Variants in GREB1 observed in about 807,000 individuals in gnomAD.
The protein encoded by GREB1 is protein GREB1.
Under a neutral mutation model 200.7 loss-of-function variants are expected in GREB1, and 106 were observed. That is an observed-to-expected ratio of 0.53 (90% CI 0.45 to 0.62). The LOEUF is 0.62. Ranked by LOEUF, GREB1 falls within the 20% of genes least tolerant of loss-of-function variation. The pLI, the probability that GREB1 is intolerant of heterozygous loss-of-function variation, is 0.00. For synonymous variants in GREB1, 1,132 were observed against 1,092.4 expected, an observed-to-expected ratio of 1.04 and a Z score of -0.72; for missense variants, 2,243 against 2,556.8, an observed-to-expected ratio of 0.88 and a Z score of 2.65.
At chr2:11,486,135 T>G (rs1201790544) in intron 1 of GREB1, among the ~76,000 whole-genome samples, 1 of 152,164 alleles carries the variant, frequency 6.6e-6, no homozygotes, top group Admixed American at 6.5e-5. Context: ...GGGCTGACTT[T>G]GGGCAGTTCA....
intron 1 of GREB1, among the ~76,000 whole-genome samples, chr2:11,547,297 C>A (rs891728199): frequency 6.6e-6 from 1 of 152,174 alleles, no homozygotes; most frequent in African/African-American, 2.4e-5. Context: ...CTTTGGAGAT[C>A]GGCTTTTAAT....
At chr2:11,552,920 G>A (rs1676049561) in intron 1 of GREB1, among the ~76,000 whole-genome samples, 1 of 150,584 alleles carries the variant, frequency 6.6e-6, no homozygotes, top group Non-Finnish European at 1.5e-5. Context: ...TGAGGCAGGA[G>A]AATGGCGTGA....
At chr2:11,566,895 A>G (rs1677725501) in intron 4 of GREB1, among the ~76,000 whole-genome samples, 1 of 152,170 alleles carries the variant, frequency 6.6e-6, no homozygotes, top group African/African-American at 2.4e-5. Context: ...TTCATTTTTC[A>G]TACATTTATT....
chr2:11,600,433 A>C (rs1025751063), intron 15 of GREB1, among the ~76,000 whole-genome samples: 18 of 152,320 alleles, frequency 1.2e-4, no homozygotes, highest in Middle Eastern at 3.4e-3. Flanking sequence ...CAAGGTCAGA[A>C]GGACTGTGTA....
At chr2:11,560,025 T>C (rs1359008894) in intron 2 of GREB1, among the ~76,000 whole-genome samples, 1 of 152,220 alleles carries the variant, frequency 6.6e-6, no homozygotes, top group Non-Finnish European at 1.5e-5. Context: ...GTCGCCATTG[T>C]GAGGCCATGT....
At chr2:11,552,352 C>A (rs1402466183) in intron 1 of GREB1, among the ~76,000 whole-genome samples, 7 of 152,180 alleles carry the variant, frequency 4.6e-5, no homozygotes, top group Admixed American at 4.6e-4. Context: ...AGGGATCTAG[C>A]AAAGAGACCA....
At chr2:11,557,243 A>G (rs761140238) in intron 2 of GREB1, among the ~76,000 whole-genome samples, 8 of 152,266 alleles carry the variant, frequency 5.3e-5, no homozygotes, top group Non-Finnish European at 1.2e-4. Context: ...ATAAACAACT[A>G]AATTCTCTTC....
chr2:11,525,496 CAAAAA>C (rs764748651), intron 1 of GREB1, among the ~76,000 whole-genome samples: 3 of 50,094 alleles, frequency 6.0e-5, no homozygotes, highest in African/African-American at 1.9e-4. Context: ...GACTCCATCT[CAAAAA>C]AAAAAAAAAA....
chr2:11,560,018 G>A (rs976741255), intron 2 of GREB1, among the ~76,000 whole-genome samples: 3 of 152,220 alleles, frequency 2.0e-5, no homozygotes, highest in African/African-American at 4.8e-5. Flanking sequence ...TGAAATGGTC[G>A]CCATTGTGAG....
In GREB1 at chr2:11,566,579, G is replaced by T; in HGVS notation, c.377G>T (p.Ser126Ile). The T allele has an allele frequency of 1.2e-6, 2 of 1,614,124 alleles. No individual in the cohort carries two copies. Among genetic ancestry groups the T allele is most frequent in the Non-Finnish European group, 1.7e-6 (2 of 1,179,994 alleles). Residue 126 changes from serine to isoleucine, a missense_variant, in exon 4 of 33, where the codon AGC (serine) becomes ATC (isoleucine). Coordinates refer to ENST00000381486, the MANE Select transcript of GREB1 (RefSeq NM_014668.4). ...CTCCTCGTGGGGGTCAAGTCCCCCAGCCTGCCGGACCATCTCCTGGTGTGC... is the reference window on the plus strand; with the variant it reads ...CTCCTCGTGGGGGTCAAGTCCCCCATCCTGCCGGACCATCTCCTGGTGTGC... ...GFLLVGVKSPSLPDHLLVCAV... is the reference protein window; with the variant it reads ...GFLLVGVKSPILPDHLLVCAV...
At chr2:11,487,617 C>A (rs186735747) in intron 1 of GREB1, among the ~76,000 whole-genome samples, 1 of 152,282 alleles carries the variant, frequency 6.6e-6, no homozygotes, top group Admixed American at 6.5e-5. Context: ...ATTCCGATAA[C>A]TTCTTTTTGA....
In GREB1 at chr2:11,494,359, A is replaced by G. The variant is rs575910338; in HGVS notation, c.-159+11978A>G. 4.6e-5 allele frequency among the ~76,000 whole-genome samples: 7 copies of G among 152,342 alleles called. No individual in the cohort carries two copies. The South Asian group carries it at 6.2e-4, about 14-fold the overall frequency. On this transcript the variant is annotated intron_variant, in intron 1 of 2. Coordinates refer to the GREB1 transcript ENST00000628795. ...TGGGCTGTGGCAGCATCACCTGGGA[A>G]ATCAATAGAAATGTTCATTCTTGGG...
intron 23 of GREB1, among the ~76,000 whole-genome samples, chr2:11,624,448 C>T (rs1365578748): frequency 6.7e-6 from 1 of 149,228 alleles, no homozygotes; most frequent in African/African-American, 2.5e-5. Context: ...GGGTTCAAGT[C>T]ATTCTCCTGC....
intron 30 of GREB1, among the ~76,000 whole-genome samples, chr2:11,637,291 T>C (rs79491768): frequency 0.059 from 8,931 of 151,230 alleles, 446 homozygotes; most frequent in East Asian, 0.21. Flanking sequence ...GATGTAAACG[T>C]GTTGGTGATG....
intron 18 of GREB1, 109 bp downstream of exon 18, chr2:11,611,136 C>T: frequency 1.1e-6 from 1 of 895,658 alleles, no homozygotes; most frequent in Non-Finnish European, 1.7e-6. Context: ...GCCAACGTGG[C>T]TTCCCTAGAC....
At chr2:11,495,376 A>G (rs1672858039) in intron 1 of GREB1, among the ~76,000 whole-genome samples, 1 of 152,210 alleles carries the variant, frequency 6.6e-6, no homozygotes, top group South Asian at 2.1e-4. Flanking sequence ...CCATTTTTGT[A>G]GGTGAAAATT....
intron 31 of GREB1, among the ~76,000 whole-genome samples, chr2:11,638,437 G>A (rs528066697): frequency 1.2e-4 from 18 of 152,174 alleles, no homozygotes; most frequent in Non-Finnish European, 2.1e-4. Flanking sequence ...CACCGCACTC[G>A]GCCTAAATAT....
At chr2:11,627,217 G>C in intron 25 of GREB1, 113 bp downstream of exon 25, 1 of 986,070 alleles carries the variant, frequency 1.0e-6, no homozygotes, top group African/African-American at 1.7e-5. Context: ...GGAAGCCCTG[G>C]CTTCCTGGTC....
intron 1 of GREB1, among the ~76,000 whole-genome samples, chr2:11,510,450 T>A (rs76780702): frequency 0.019 from 2,947 of 152,318 alleles, 111 homozygotes; most frequent in African/African-American, 0.068. Flanking sequence ...TGTAAAATGA[T>A]GACACCCTAA....
Sources: gnomAD v4.1 joint callset for allele counts (sites outside exome capture counted in the v4.1 genomes callset) on GRCh38, gnomAD v4.1.1 for gene constraint, MANE v1.5 for transcripts, NCBI Gene and HGNC (gene_info 2026-07-23, HGNC 2026-07-21) for gene names.